Variants in MTX2 observed in about 807,000 individuals in gnomAD.
MTX2 encodes the protein metaxin 2.
A neutral mutation model predicts 42.3 loss-of-function variants in MTX2; 35 were observed. The observed-to-expected ratio is 0.83, with a 90% CI of 0.63 to 1.10. MTX2 has a LOEUF of 1.10. Among genes scored for constraint, MTX2 ranks in the 50% least tolerant of loss-of-function variants. The pLI, the probability that MTX2 is intolerant of heterozygous loss-of-function variation, is 0.00. For synonymous variants in MTX2, 119 were observed against 100.9 expected, an observed-to-expected ratio of 1.18 and a Z score of -1.08; for missense variants, 307 against 304.1, an observed-to-expected ratio of 1.01 and a Z score of -0.07.
intron 4 of MTX2, among the ~76,000 whole-genome samples, chr2:176,325,477 C>G (rs1025147546): frequency 6.6e-6 from 1 of 151,518 alleles, no homozygotes; most frequent in African/African-American, 2.4e-5. Context: ...AGTTGACTAT[C>G]CACACTTCTT....
intron 3 of MTX2, among the ~76,000 whole-genome samples, chr2:176,300,142 AGAGAGAG>A (rs1359243380): frequency 1.2e-5 from 1 of 80,016 alleles, no homozygotes; most frequent in Non-Finnish European, 2.6e-5. Flanking sequence ...CTAGAGAGAC[AGAGAGAG>A]AGAGAGAGAT....
chr2:176,278,632 G>A (rs1693005705), intron 1 of MTX2, among the ~76,000 whole-genome samples: 3 of 152,102 alleles, frequency 2.0e-5, no homozygotes, highest in African/African-American at 7.2e-5. Flanking sequence ...ATATTTTGGT[G>A]AAAATTGAAA....
chr2:176,276,025 T>C (rs1692939472), intron 1 of MTX2, among the ~76,000 whole-genome samples: 1 of 152,260 alleles, frequency 6.6e-6, no homozygotes. Context: ...CTTGGGCAAA[T>C]TAACTGCCTT....
At chr2:176,270,179 T>G in intron 1 of MTX2, 1 of 326,812 alleles carries the variant, frequency 3.1e-6, no homozygotes, top group Non-Finnish European at 5.9e-6. Flanking sequence ...ATTTATTTAT[T>G]TATTTGTTGA....
chr2:176,303,912 A>G (rs1684084714), intron 3 of MTX2, among the ~76,000 whole-genome samples: 1 of 151,960 alleles, frequency 6.6e-6, no homozygotes, highest in South Asian at 2.1e-4. Flanking sequence ...AACTTAGAAT[A>G]TCAGCTGTGT....
chr2:176,323,266 T>C (rs1477386166), intron 3 of MTX2, 126 bp from the exon 4 acceptor site: 2 of 747,410 alleles, frequency 2.7e-6, no homozygotes, highest in Non-Finnish European at 4.4e-6. Context: ...TTTAAATTGG[T>C]TCATTGTTTT....
intron 3 of MTX2, among the ~76,000 whole-genome samples, chr2:176,316,527 A>G (rs1373317003): frequency 2.0e-5 from 3 of 151,980 alleles, no homozygotes; most frequent in Non-Finnish European, 4.4e-5. Context: ...TCAGCCTCCC[A>G]AGTAGCTGGG....
intron 9 of MTX2, among the ~76,000 whole-genome samples, chr2:176,333,586 T>G (rs1684910466): frequency 6.6e-6 from 1 of 151,604 alleles, no homozygotes. Flanking sequence ...GTTGCTCAAA[T>G]TTGGAAAAAT....
At chr2:176,278,319 G>A (rs550914216) in intron 1 of MTX2, among the ~76,000 whole-genome samples, 1 of 152,124 alleles carries the variant, frequency 6.6e-6, no homozygotes, top group African/African-American at 2.4e-5. Context: ...CCAAAGTGCT[G>A]GGATTATAGG....
Position 176,316,936 on chromosome 2 carries a change from G to A in MTX2, c.136-6456G>A, listed in dbSNP as rs149518951. 3.2e-3 allele frequency among the ~76,000 whole-genome samples: 480 copies of A among 150,976 alleles called. 3 individuals are homozygous for A. The highest frequency in any genetic ancestry group is 0.011 in the African/African-American group (448 of 41,110). On this transcript the variant is annotated intron_variant, in intron 3 of 9. Coordinates refer to ENST00000249442, the MANE Select transcript of MTX2 (RefSeq NM_006554.5). ...AAAGGATATGTATGTATAGAATTTTGGTAGACCTTACCAAAGTGCCCTCAA... is the reference window on the plus strand; with the variant it reads ...AAAGGATATGTATGTATAGAATTTTAGTAGACCTTACCAAAGTGCCCTCAA...
intron 9 of MTX2, among the ~76,000 whole-genome samples, chr2:176,333,738 T>A (rs1249692055): frequency 1.3e-5 from 2 of 151,714 alleles, no homozygotes; most frequent in Non-Finnish European, 3.0e-5. Flanking sequence ...CTTTTCTGTG[T>A]TTAGATATGT....
At chr2:176,295,770 T>A (rs1458581023) in intron 1 of MTX2, among the ~76,000 whole-genome samples, 1 of 152,158 alleles carries the variant, frequency 6.6e-6, no homozygotes, top group Non-Finnish European at 1.5e-5. Context: ...ACATTTTAAA[T>A]GATCAGTCTT....
chr2:176,297,420 T>C (rs1408929583), intron 2 of MTX2, among the ~76,000 whole-genome samples: 1 of 152,154 alleles, frequency 6.6e-6, no homozygotes, highest in Non-Finnish European at 1.5e-5. Flanking sequence ...AGCATGGAAT[T>C]TTTATTGCCA....
intron 9 of MTX2, among the ~76,000 whole-genome samples, chr2:176,336,624 TCTG>T (rs1684992997): frequency 6.6e-6 from 1 of 152,184 alleles, no homozygotes; most frequent in Non-Finnish European, 1.5e-5. Context: ...ACATTGGAGA[TCTG>T]CTATATTTAG....
intron 1 of MTX2, among the ~76,000 whole-genome samples, chr2:176,293,256 C>T (rs930983947): frequency 6.6e-6 from 1 of 152,124 alleles, no homozygotes; most frequent in African/African-American, 2.4e-5. Context: ...AAATGCTTCA[C>T]ATGTATAAAT....
rs112599549 is a variant in MTX2, at chr2:176,323,013, T to C, written c.136-379T>C. ...AAGATGATGATCCTATAGAAAATAG[T>C]GGAATGAAGCAATTAATAGCTTATA... On this transcript the variant is annotated intron_variant, in intron 3 of 9. Coordinates refer to ENST00000249442, the MANE Select transcript of MTX2 (RefSeq NM_006554.5). Among the ~76,000 whole-genome samples the C allele has an allele frequency of 3.2e-3, 479 of 151,924 alleles. 2 individuals carry two copies. The highest frequency in any genetic ancestry group is 0.011 in the African/African-American group (451 of 41,530).
rs1440225220 is a variant in MTX2, at chr2:176,269,634, C to T, written c.5C>T (p.Ser2Phe). Residue 2 changes from serine to phenylalanine, a missense_variant, in exon 1 of 10, where the codon TCT becomes TTT. By Grantham distance (155) the Ser-to-Phe change is radical (BLOSUM62 -2). Coordinates refer to ENST00000249442, the MANE Select transcript of MTX2 (RefSeq NM_006554.5). Reference protein sequence around the residue: MSLVAEAFVSQI... With the variant: MFLVAEAFVSQI... The stretch of plus-strand genomic sequence containing the variant: ...GCGCCGGGCCTCCCAGCCGACATGT[C>T]TCTAGTGGCGGAAGCCTTCGTCTCC... 3.1e-6 allele frequency: 5 copies of T among 1,596,598 alleles called. No homozygotes were observed. The highest frequency in any genetic ancestry group is 1.7e-5 in the Admixed American group (1 of 58,644).
chr2:176,313,296 C>CT (rs1004744734), intron 3 of MTX2, among the ~76,000 whole-genome samples: 8 of 151,062 alleles, frequency 5.3e-5, no homozygotes, highest in Non-Finnish European at 1.2e-4. Context: ...GATAAAGGTA[C>CT]TTTTTCAAGC....
intron 1 of MTX2, among the ~76,000 whole-genome samples, chr2:176,278,673 C>T (rs184620616): frequency 9.2e-5 from 14 of 152,150 alleles, no homozygotes; most frequent in Admixed American, 3.9e-4. Flanking sequence ...TAATATTTTT[C>T]AAACATTTTT....
Sources: allele counts gnomAD v4.1 joint callset (sites outside exome capture counted in the v4.1 genomes callset), GRCh38; gene constraint gnomAD v4.1.1; transcripts MANE v1.5; gene names NCBI Gene and HGNC (gene_info 2026-07-23, HGNC 2026-07-21).